Variants in MEI4 observed in about 807,000 individuals in gnomAD.
MEI4 encodes meiosis-specific protein MEI4.
A neutral mutation model predicts 31.4 loss-of-function variants in MEI4; 27 were observed. That is an observed-to-expected ratio of 0.86 (90% CI 0.63 to 1.19). The LOEUF is 1.19. Among genes scored for constraint, MEI4 ranks in the 50% most tolerant of loss-of-function variants. The pLI, the probability that MEI4 is intolerant of heterozygous loss-of-function variation, is 0.00. For missense variants in MEI4, 329 were observed against 398.9 expected, an observed-to-expected ratio of 0.82 and a Z score of 1.49; for synonymous variants, 122 against 145.4, an observed-to-expected ratio of 0.84 and a Z score of 1.16.
chr6:77,654,530 A>C (rs1407593805), intron 1 of MEI4, among the ~76,000 whole-genome samples: 1 of 150,698 alleles, frequency 6.6e-6, no homozygotes, highest in African/African-American at 2.5e-5. Context: ...CACAGATTGA[A>C]TATGTTTAAA....
chr6:77,696,229 C>CAA (rs1766036674), intron 2 of MEI4, among the ~76,000 whole-genome samples: 1 of 152,118 alleles, frequency 6.6e-6, no homozygotes, highest in African/African-American at 2.4e-5. Flanking sequence ...ATTTGACTTC[C>CAA]TCTTTTCCTA....
intron 3 of MEI4, among the ~76,000 whole-genome samples, chr6:77,789,177 G>A (rs1161710665): frequency 6.6e-6 from 1 of 152,136 alleles, no homozygotes; most frequent in Non-Finnish European, 1.5e-5. Context: ...TTTAATAAAT[G>A]GTGCTGGGAA....
In MEI4 at chr6:77,690,874, G is replaced by A; in HGVS notation, c.203G>A (p.Ser68Asn). 8.1e-7 allele frequency: 1 copy of A among 1,231,250 alleles called. No individual in the cohort carries two copies. The highest frequency in any genetic ancestry group is 1.0e-6 in the Non-Finnish European group (1 of 987,258). The allele number at this position is 1,231,250 out of a possible 1,614,324, so 76.3% of individuals were successfully genotyped here. A position where few individuals can be genotyped will look rare whatever the true frequency, so the allele number is the denominator to read the frequency against. Residue 68 changes from serine (S) to asparagine (N), a missense_variant, in exon 2 of 5, where the codon AGC becomes AAC. Transcript: ENST00000684080. Reference protein sequence around the residue: ...VMQLRQKLLVSRLCSGSFKSG... With the variant: ...VMQLRQKLLVNRLCSGSFKSG... ...CAATTACGTCAAAAACTTCTTGTGA[G>A]CAGGCTTTGTTCAGGATCCTTTAAG...
At chr6:77,873,279 T>G (rs181756891) in intron 4 of MEI4, among the ~76,000 whole-genome samples, 243 of 152,316 alleles carry the variant, frequency 1.6e-3, no homozygotes, top group African/African-American at 5.7e-3. Flanking sequence ...TTCCTGACTT[T>G]TTAATGATCG....
chr6:77,882,120 C>G (rs1419874341), intron 4 of MEI4, among the ~76,000 whole-genome samples: 1 of 152,090 alleles, frequency 6.6e-6, no homozygotes, highest in Admixed American at 6.5e-5. Context: ...CTGGAGTGAC[C>G]TACAGAACTC....
intron 4 of MEI4, among the ~76,000 whole-genome samples, chr6:77,858,890 G>T (rs1770800023): frequency 7.4e-6 from 1 of 134,534 alleles, no homozygotes; most frequent in Admixed American, 8.0e-5. Context: ...GTAAGGAAAG[G>T]ATTCTTTAGT....
At chr6:77,817,009 TTGTG>T (rs1340850400) in intron 3 of MEI4, among the ~76,000 whole-genome samples, 1 of 151,264 alleles carries the variant, frequency 6.6e-6, no homozygotes, top group Admixed American at 6.6e-5. Flanking sequence ...GATGACACTA[TTGTG>T]TGTGTGTGTA....
intron 1 of MEI4, among the ~76,000 whole-genome samples, chr6:77,678,848 G>A (rs1389826065): frequency 2.6e-5 from 4 of 152,120 alleles, no homozygotes; most frequent in Non-Finnish European, 5.9e-5. Context: ...GGGACAAGAT[G>A]TGGAGGTTGA....
chr6:77,912,057 T>C (rs1249018167), intron 4 of MEI4, among the ~76,000 whole-genome samples: 1 of 152,104 alleles, frequency 6.6e-6, no homozygotes, highest in Admixed American at 6.6e-5. Flanking sequence ...GATATACAAC[T>C]TATTTAACAT....
At chr6:77,734,896 C>G (rs1321254480) in intron 2 of MEI4, among the ~76,000 whole-genome samples, 1 of 151,720 alleles carries the variant, frequency 6.6e-6, no homozygotes, top group African/African-American at 2.4e-5. Flanking sequence ...ACTTATGAAG[C>G]TTAGTTTGGC....
intron 4 of MEI4, among the ~76,000 whole-genome samples, chr6:77,891,305 A>C (rs749358866): frequency 5.3e-5 from 8 of 152,110 alleles, no homozygotes; most frequent in Admixed American, 2.6e-4. Flanking sequence ...GGTGTCTCAT[A>C]TATCATATAT....
At chr6:77,920,992 G>A (rs777912154) in intron 4 of MEI4, among the ~76,000 whole-genome samples, 8 of 151,810 alleles carry the variant, frequency 5.3e-5, no homozygotes, top group Non-Finnish European at 7.4e-5. Context: ...TGGTAAATGT[G>A]CACTGGCTTC....
chr6:77,906,092 A>G (rs929453328), intron 4 of MEI4, among the ~76,000 whole-genome samples: 1 of 152,102 alleles, frequency 6.6e-6, no homozygotes, highest in Non-Finnish European at 1.5e-5. Flanking sequence ...CCCGATTTCA[A>G]TAAACTAATT....
At chr6:77,651,527 C>G (rs1369953438), upstream of MEI4, among the ~76,000 whole-genome samples, 2 of 152,158 alleles carry the variant, frequency 1.3e-5, no homozygotes, top group Non-Finnish European at 2.9e-5. Context: ...ATTGATTACA[C>G]ACATTGATCA....
intron 2 of MEI4, among the ~76,000 whole-genome samples, chr6:77,708,368 T>C (rs1244962687): frequency 2.0e-5 from 3 of 152,248 alleles, no homozygotes; most frequent in Non-Finnish European, 4.4e-5. Flanking sequence ...TGGGAACCTG[T>C]ACCATACAAT....
chr6:77,763,422 A>G (rs1768088931), intron 3 of MEI4, among the ~76,000 whole-genome samples: 1 of 152,120 alleles, frequency 6.6e-6, no homozygotes, highest in African/African-American at 2.4e-5. Context: ...CTTCGTGTTT[A>G]TTTAGAACCC....
intron 4 of MEI4, among the ~76,000 whole-genome samples, chr6:77,840,416 G>T (rs1276987321): frequency 1.3e-5 from 2 of 152,080 alleles, no homozygotes; most frequent in South Asian, 2.1e-4. Flanking sequence ...AAAAGGGAAA[G>T]AAATTTGTGA....
chr6:77,838,741 A>G (rs1170322708), intron 4 of MEI4, among the ~76,000 whole-genome samples: 2 of 152,030 alleles, frequency 1.3e-5, no homozygotes, highest in African/African-American at 2.4e-5. Context: ...GTCTCTACTA[A>G]AAATACAAAA....
At chr6:77,667,988 T>A (rs2127644603) in intron 1 of MEI4, among the ~76,000 whole-genome samples, 1 of 151,364 alleles carries the variant, frequency 6.6e-6, no homozygotes, top group Middle Eastern at 3.4e-3. Context: ...AATTTGTTTC[T>A]CCATTGTGAC....
Sources: gnomAD v4.1 joint callset for allele counts (sites outside exome capture counted in the v4.1 genomes callset) on GRCh38, gnomAD v4.1.1 for gene constraint, MANE v1.5 for transcripts, NCBI Gene and HGNC (gene_info 2026-07-23, HGNC 2026-07-21) for gene names.